The following ZBTB7C variants were observed in gnomAD, a reference collection of about 807,000 sequenced individuals.
ZBTB7C encodes zinc finger and BTB domain-containing protein 7C.
A neutral mutation model predicts 25.7 loss-of-function variants in ZBTB7C; 8 were observed. The observed-to-expected ratio is 0.31, with a 90% CI of 0.18 to 0.56. The LOEUF (loss-of-function observed/expected upper bound fraction) is 0.56, where lower values mean the gene tolerates loss of function less well. Among genes scored for constraint, ZBTB7C ranks in the 20% least tolerant of loss-of-function variants. The pLI, the probability that ZBTB7C is intolerant of heterozygous loss-of-function variation, is 0.91. For synonymous variants in ZBTB7C, 394 were observed against 369.0 expected (o/e 1.07, Z -0.78); for missense variants, 824 against 855.2 (o/e 0.96, Z 0.46).
At chr18:48,128,863 A>ATT (rs34406460) in intron 3 of ZBTB7C, among the ~76,000 whole-genome samples, 17 of 150,874 alleles carry the variant, frequency 1.1e-4, no homozygotes, top group East Asian at 1.9e-4. Context: ...ATTGAAATAA[A>ATT]TTTTTTTTTT....
intron 2 of ZBTB7C, among the ~76,000 whole-genome samples, chr18:48,273,682 C>T (rs899894478): frequency 1.2e-4 from 18 of 151,758 alleles, no homozygotes; most frequent in East Asian, 9.7e-4. Context: ...AAGGTAGAAA[C>T]GTTAAGATTG....
chr18:48,125,404 T>A (rs1421461085), intron 3 of ZBTB7C, among the ~76,000 whole-genome samples: 1 of 152,220 alleles, frequency 6.6e-6, no homozygotes, highest in East Asian at 1.9e-4. Flanking sequence ...TCCCTCTGGC[T>A]GCTTACAGAC....
chr18:48,203,804 T>C (rs2042513526), intron 2 of ZBTB7C, among the ~76,000 whole-genome samples: 1 of 152,186 alleles, frequency 6.6e-6, no homozygotes, highest in South Asian at 2.1e-4. Context: ...GCCCAGAGCC[T>C]GGCACAAGGG....
chr18:48,157,957 A>G (rs2040887641), intron 3 of ZBTB7C, among the ~76,000 whole-genome samples: 1 of 152,110 alleles, frequency 6.6e-6, no homozygotes, highest in African/African-American at 2.4e-5. Flanking sequence ...GGATGGAAAG[A>G]GGGAATAGGG....
intron 2 of ZBTB7C, among the ~76,000 whole-genome samples, chr18:48,224,743 C>T (rs1184963428): frequency 6.6e-6 from 1 of 152,194 alleles, no homozygotes; most frequent in African/African-American, 2.4e-5. Flanking sequence ...GGAAGAATCA[C>T]AGTTATCTTT....
intron 3 of ZBTB7C, chr18:48,165,216 G>C (rs1421302168): frequency 1.1e-6 from 1 of 908,990 alleles, no homozygotes; most frequent in African/African-American, 1.7e-5. Flanking sequence ...TTAGAGGAGA[G>C]CTCCCAGCCT....
intron 2 of ZBTB7C, among the ~76,000 whole-genome samples, chr18:48,304,316 C>T (rs2045615912): frequency 6.6e-6 from 1 of 152,190 alleles, no homozygotes; most frequent in African/African-American, 2.4e-5. Flanking sequence ...CATCTAAATC[C>T]ACTTCAAGAC....
At position 48,267,206 on chromosome 18, in the gene ZBTB7C, A is replaced by C. The variant is rs2044340917; in HGVS notation, c.-79+70968T>G. On this transcript the variant is annotated intron_variant, in intron 2 of 4. Transcript: ENST00000590800. The stretch of plus-strand genomic sequence containing the variant: ...ATCAGATACCCCCTCAGCACCACAG[A>C]AACTACATGACAGGAAGTTTTCTCT... Among the ~76,000 whole-genome samples the C allele has an allele frequency of 1.3e-5, 2 of 152,166 alleles. 1 individual carries two copies. Among genetic ancestry groups the C allele is most frequent in the South Asian group, 4.2e-4 (2 of 4,818 alleles).
chr18:48,061,033 G>A (rs2037107247), intron 3 of ZBTB7C, among the ~76,000 whole-genome samples: 1 of 152,174 alleles, frequency 6.6e-6, no homozygotes, highest in Admixed American at 6.5e-5. Flanking sequence ...CAGTGGTAGG[G>A]ACAGGGGTAT....
At chr18:48,036,058 A>C (rs552093370) in intron 4 of ZBTB7C, among the ~76,000 whole-genome samples, 1 of 152,364 alleles carries the variant, frequency 6.6e-6, no homozygotes, top group East Asian at 1.9e-4. Context: ...AGAGCTAGGA[A>C]GGGACAGCAT....
chr18:48,235,621 A>G (rs2043359116), intron 2 of ZBTB7C, among the ~76,000 whole-genome samples: 1 of 152,138 alleles, frequency 6.6e-6, no homozygotes, highest in Non-Finnish European at 1.5e-5. Flanking sequence ...TCTTAAATAC[A>G]TATTTTAGGA....
At chr18:48,362,797 C>T (rs561405993) in intron 1 of ZBTB7C, among the ~76,000 whole-genome samples, 71 of 152,240 alleles carry the variant, frequency 4.7e-4, no homozygotes, top group African/African-American at 1.6e-3. Context: ...GAGTTCCTTA[C>T]CTCCTACTCT....
At chr18:48,175,038 T>C (rs2041624625) in intron 3 of ZBTB7C, among the ~76,000 whole-genome samples, 1 of 152,158 alleles carries the variant, frequency 6.6e-6, no homozygotes, top group African/African-American at 2.4e-5. Flanking sequence ...AAACCTTCTA[T>C]CTCCAACTGT....
chr18:48,072,126 C>CATGA (rs1296157437), intron 3 of ZBTB7C, among the ~76,000 whole-genome samples: 4 of 152,122 alleles, frequency 2.6e-5, no homozygotes, highest in African/African-American at 4.8e-5. Context: ...ATGAATGAAG[C>CATGA]ATGAATGAAT....
chr18:48,181,909 A>G (rs932164630), intron 3 of ZBTB7C, among the ~76,000 whole-genome samples: 8 of 152,180 alleles, frequency 5.3e-5, no homozygotes, highest in African/African-American at 1.9e-4. Flanking sequence ...GGTTTACGCT[A>G]CCTTCTCTTT....
intron 3 of ZBTB7C, among the ~76,000 whole-genome samples, chr18:48,160,414 G>C (rs934656433): frequency 6.6e-6 from 1 of 152,198 alleles, no homozygotes; most frequent in Non-Finnish European, 1.5e-5. Context: ...GGCACGCTGG[G>C]ATGAGGAGCT....
At chr18:48,157,881 C>T (rs934375704) in intron 3 of ZBTB7C, among the ~76,000 whole-genome samples, 4 of 152,308 alleles carry the variant, frequency 2.6e-5, no homozygotes, top group African/African-American at 7.2e-5. Flanking sequence ...CAAAACACCA[C>T]GTGTGTGCCC....
At chr18:48,134,991 C>T (rs1340738858) in intron 3 of ZBTB7C, among the ~76,000 whole-genome samples, 1 of 152,186 alleles carries the variant, frequency 6.6e-6, no homozygotes, top group East Asian at 1.9e-4. Context: ...ATTCTAACTT[C>T]CCCGCTCTTT....
At chr18:48,126,774 C>G (rs1253795574) in intron 3 of ZBTB7C, among the ~76,000 whole-genome samples, 2 of 152,120 alleles carry the variant, frequency 1.3e-5, no homozygotes, top group Non-Finnish European at 2.9e-5. Flanking sequence ...CTCTTGGAGT[C>G]CCTTGTAAGG....
Sources: allele counts gnomAD v4.1 joint callset (sites outside exome capture counted in the v4.1 genomes callset), GRCh38; gene constraint gnomAD v4.1.1; transcripts MANE v1.5; gene names NCBI Gene and HGNC (gene_info 2026-07-23, HGNC 2026-07-21).